RUNX2: variants seen among roughly 807,000 people sequenced by gnomAD.
RUNX2 encodes runt-related transcription factor 2.
In RUNX2, 10 loss-of-function variants were observed where a neutral mutation model predicts 51.7. The ratio of observed to expected loss-of-function variants is 0.19; its 90% CI spans 0.12 to 0.33. The LOEUF is 0.33. Ranked by LOEUF, RUNX2 falls within the 10% of genes least tolerant of loss-of-function variation. RUNX2 has a pLI of 1.00. For missense variants in RUNX2, 562 were observed against 691.3 expected, an observed-to-expected ratio of 0.81 and a Z score of 2.10; for synonymous variants, 276 against 273.6, an observed-to-expected ratio of 1.01 and a Z score of -0.09.
At chr6:45,328,881 T>A in intron 2 of RUNX2, 97 bp downstream of exon 2, 1 of 1,238,384 alleles carries the variant, frequency 8.1e-7, no homozygotes, top group Non-Finnish European at 1.2e-6. Flanking sequence ...AAATAGCATA[T>A]TAAAGATCCT....
chr6:45,512,359 C>T lies in RUNX2; in HGVS notation c.973C>T (p.Arg325Trp), dbSNP rs751400416. 5.6e-6 allele frequency: 9 copies of T among 1,614,030 alleles called. No individual in the cohort carries two copies. The highest frequency in any genetic ancestry group is 4.0e-5 in the African/African-American group (3 of 74,928). ...IHSTTPLSST[R>W]GTGLPAITDV... ...CTCTACCACCCCGCTGTCTTCCACA[C>T]GGGGCACTGGGCTTCCTGCCATCAC... Residue 325 changes from arginine (R) to tryptophan (W), a missense_variant, in exon 7 of 9, where the codon CGG becomes TGG. Around this residue, in one of 5 missense-constraint regions of RUNX2, gnomAD observed 304 missense variants for 353.2 expected, o/e 0.86. Coordinates refer to ENST00000647337, the MANE Select transcript of RUNX2 (RefSeq NM_001024630.4).
chr6:45,449,099 G>C (rs1799084476), intron 5 of RUNX2, among the ~76,000 whole-genome samples: 1 of 152,206 alleles, frequency 6.6e-6, no homozygotes, highest in Non-Finnish European at 1.5e-5. Flanking sequence ...TTGTGTTTAA[G>C]AGGTGGATTC....
intron 5 of RUNX2, among the ~76,000 whole-genome samples, chr6:45,439,608 C>T (rs1388208889): frequency 1.3e-5 from 2 of 152,130 alleles, no homozygotes; most frequent in Admixed American, 6.6e-5. Context: ...AAAGATATTT[C>T]CTGCTGATCT....
intron 7 of RUNX2, among the ~76,000 whole-genome samples, chr6:45,516,632 C>T (rs1188885778): frequency 3.3e-5 from 5 of 152,174 alleles, no homozygotes; most frequent in Non-Finnish European, 5.9e-5. Context: ...ACAGAGGTGG[C>T]CAAAGTTATT....
At chr6:45,507,566 G>A (rs1439342201) in intron 6 of RUNX2, among the ~76,000 whole-genome samples, 3 of 152,134 alleles carry the variant, frequency 2.0e-5, no homozygotes, top group Non-Finnish European at 4.4e-5. Flanking sequence ...TTTTCTTGGT[G>A]ATTGCGCATT....
intron 2 of RUNX2, among the ~76,000 whole-genome samples, chr6:45,371,384 T>C (rs1796044379): frequency 6.7e-6 from 1 of 149,578 alleles, no homozygotes; most frequent in Admixed American, 6.7e-5. Flanking sequence ...ACTTCACCAG[T>C]ATTAGCTCAC....
At chr6:45,496,541 T>C (rs1202270098) in intron 6 of RUNX2, among the ~76,000 whole-genome samples, 1 of 152,172 alleles carries the variant, frequency 6.6e-6, no homozygotes, top group Non-Finnish European at 1.5e-5. Flanking sequence ...GAGCTAATTT[T>C]GATTGGAAAG....
chr6:45,416,830 GA>G (rs1798077617), intron 2 of RUNX2, among the ~76,000 whole-genome samples: 1 of 152,188 alleles, frequency 6.6e-6, no homozygotes, highest in Admixed American at 6.5e-5. Flanking sequence ...ATGTGGTTCT[GA>G]AAGGTCATAT....
rs140458148 is a variant in RUNX2 at position 45,467,721 on chromosome 6, A to G, written c.686-24220A>G. ...TCCTTGCTTGCTCATCAAAGACACT[A>G]TCATGTGAGCAGTCACCTTGACTTA... is the stretch of plus-strand genomic sequence containing the variant. On this transcript the variant is annotated intron_variant, in intron 5 of 8. Transcript: ENST00000647337. 2.4e-4 allele frequency among the ~76,000 whole-genome samples: 36 copies of G among 152,206 alleles called. No individual in the cohort carries two copies. The East Asian group carries it at 3.9e-3, about 16-fold the overall frequency.
chr6:45,540,488 C>T (rs932682502), intron 7 of RUNX2, among the ~76,000 whole-genome samples: 1 of 152,008 alleles, frequency 6.6e-6, no homozygotes, highest in African/African-American at 2.4e-5. Context: ...GTTGGAGTCT[C>T]GTGTTGCCGC....
chr6:45,531,138 G>T lies in RUNX2; in HGVS notation c.1022-14079G>T, dbSNP rs144551821. ...TGAAAACTCAATTCCAGGTCTTTTA[G>T]CTCCACATAATATGCTTTTCCCTAC... On this transcript the variant is annotated intron_variant, in intron 7 of 8. Transcript: ENST00000647337. Among the ~76,000 whole-genome samples the T allele has an allele frequency of 3.5e-3, 540 of 152,274 alleles. 1 individual carries two copies. Among genetic ancestry groups the T allele is most frequent in the African/African-American group, 0.012 (501 of 41,536 alleles).
At chr6:45,439,090 G>A (rs899468090) in intron 5 of RUNX2, among the ~76,000 whole-genome samples, 1 of 152,192 alleles carries the variant, frequency 6.6e-6, no homozygotes, top group African/African-American at 2.4e-5. Flanking sequence ...CTCTACCCAA[G>A]CAGCATACCT....
At chr6:45,531,253 C>G (rs183713271) in intron 7 of RUNX2, among the ~76,000 whole-genome samples, 3 of 152,278 alleles carry the variant, frequency 2.0e-5, no homozygotes, top group Admixed American at 2.0e-4. Context: ...TTTGTTATCA[C>G]TGATCTTTCC....
chr6:45,523,937 A>T (rs55910744), intron 7 of RUNX2, among the ~76,000 whole-genome samples: 15,663 of 152,172 alleles, frequency 0.1, 993 homozygotes, highest in Non-Finnish European at 0.15. Context: ...TCTCAAAAAA[A>T]AACCAAAAAC....
intron 2 of RUNX2, among the ~76,000 whole-genome samples, chr6:45,351,669 C>T (rs896398071): frequency 6.6e-6 from 1 of 152,132 alleles, no homozygotes; most frequent in Admixed American, 6.6e-5. Context: ...CTTCTCCCTC[C>T]CCATTTTTCT....
intron 7 of RUNX2, among the ~76,000 whole-genome samples, chr6:45,519,094 T>A (rs1801421585): frequency 6.6e-6 from 1 of 152,182 alleles, no homozygotes; most frequent in Non-Finnish European, 1.5e-5. Flanking sequence ...TGTTTAGGGA[T>A]TTGATGTTCT....
chr6:45,437,280 C>T (rs550843209), intron 4 of RUNX2, among the ~76,000 whole-genome samples: 1 of 152,144 alleles, frequency 6.6e-6, no homozygotes, highest in African/African-American at 2.4e-5. Flanking sequence ...AAGTAAGTCG[C>T]TGTCAGGGGG....
At chr6:45,372,564 GTT>G (rs1219158844) in intron 2 of RUNX2, among the ~76,000 whole-genome samples, 2 of 152,120 alleles carry the variant, frequency 1.3e-5, no homozygotes, top group East Asian at 3.8e-4. Flanking sequence ...TGTTATTTTA[GTT>G]TATAAAGTAT....
At chr6:45,503,692 G>A (rs114860984) in intron 6 of RUNX2, among the ~76,000 whole-genome samples, 276 of 152,282 alleles carry the variant, frequency 1.8e-3, no homozygotes, top group Non-Finnish European at 3.3e-3. Flanking sequence ...ATGACATGTG[G>A]TATAGCCTCT....
Sources: allele counts gnomAD v4.1 joint callset (sites outside exome capture counted in the v4.1 genomes callset), GRCh38; gene constraint gnomAD v4.1.1; regional missense constraint gnomAD v4.1.1; transcripts MANE v1.5; gene names NCBI Gene and HGNC (gene_info 2026-07-23, HGNC 2026-07-21).